The following FBXO40 variants were observed in gnomAD, a reference collection of about 807,000 sequenced individuals.
FBXO40 encodes the protein F-box only protein 40.
Under a neutral mutation model 49.9 loss-of-function variants are expected in FBXO40, and 50 were observed. The observed-to-expected ratio is 1.00, with a 90% CI of 0.80 to 1.27. FBXO40 has a LOEUF of 1.27. FBXO40 is among the 50% of genes most tolerant of loss of function. The pLI, the probability that FBXO40 is intolerant of heterozygous loss-of-function variation, is 0.00. For synonymous variants in FBXO40, 340 were observed against 320.2 expected (o/e 1.06, Z -0.66); for missense variants, 895 against 870.1 (o/e 1.03, Z -0.36).
At chr3:121,596,173 T>A (rs2108843019) in intron 1 of FBXO40, among the ~76,000 whole-genome samples, 1 of 152,334 alleles carries the variant, frequency 6.6e-6, no homozygotes, top group South Asian at 2.1e-4. Flanking sequence ...CACCTCCTCC[T>A]CCTTCTTCCA....
Position 121,621,627 on chromosome 3 carries a change from C to G in FBXO40, c.198C>G (p.Leu66=). ...GCCCTTTAGAGCAGGTTCCGTGCCT[C>G]AACTCCGAATATGGCTGCCCTCTGT... ...LLCPLEQVPC[L]NSEYGCPLSM... The change falls in exon 3 of 4, where the codon CTC becomes CTG. Residue 66 remains leucine (L), a synonymous_variant. Coordinates refer to ENST00000338040, the MANE Select transcript of FBXO40 (RefSeq NM_016298.4). 1 of 1,614,228 alleles carries G rather than the reference C, an allele frequency of 6.2e-7. No homozygotes were observed. Among genetic ancestry groups the G allele is most frequent in the Non-Finnish European group, 8.5e-7 (1 of 1,180,022 alleles).
chr3:121,619,162 G>A (rs1229772822), intron 1 of FBXO40, among the ~76,000 whole-genome samples: 5 of 147,104 alleles, frequency 3.4e-5, no homozygotes, highest in South Asian at 4.3e-4. Flanking sequence ...ACCATGCCCC[G>A]CTAATTTTTT....
intron 1 of FBXO40, among the ~76,000 whole-genome samples, chr3:121,616,538 A>G (rs2048998303): frequency 6.6e-6 from 1 of 152,234 alleles, no homozygotes; most frequent in Admixed American, 6.5e-5. Context: ...TTAAATTTAA[A>G]TAGCCACATG....
rs1019351945 is a variant in FBXO40, at chr3:121,623,354, A to G, written c.1914+11A>G. 6.3e-7 allele frequency: 1 copy of G among 1,594,724 alleles called. No individual in the cohort carries two copies. The highest frequency in any genetic ancestry group is 8.6e-7 in the Non-Finnish European group (1 of 1,167,798). On this transcript the variant is annotated intron_variant, in intron 3 of 3. Coordinates refer to ENST00000338040, the MANE Select transcript of FBXO40 (RefSeq NM_016298.4). ...AGAGTCCACAGAGAGGTAAGTAAAC[A>G]CTCATTTATTGATTGACTCATTCAG...
chr3:121,604,298 T>G (rs1194717485), intron 1 of FBXO40, among the ~76,000 whole-genome samples: 1 of 152,190 alleles, frequency 6.6e-6, no homozygotes, highest in African/African-American at 2.4e-5. Context: ...CATAAGTTGA[T>G]ATCCTAAACA....
chr3:121,597,968 G>A (rs1316853594), intron 1 of FBXO40, among the ~76,000 whole-genome samples: 1 of 152,062 alleles, frequency 6.6e-6, no homozygotes, highest in Non-Finnish European at 1.5e-5. Context: ...CTGCTTATAA[G>A]TCCTACTTTT....
intron 1 of FBXO40, among the ~76,000 whole-genome samples, chr3:121,607,214 G>A (rs1264560934): frequency 4.9e-5 from 7 of 141,604 alleles, no homozygotes; most frequent in East Asian, 2.2e-4. Context: ...GCAGTGAGCC[G>A]AGATTATGCC....
intron 1 of FBXO40, among the ~76,000 whole-genome samples, chr3:121,597,659 C>CTT (rs11388990): frequency 2.5e-3 from 309 of 124,418 alleles, no homozygotes; most frequent in African/African-American, 3.7e-3. Context: ...TATAGGCCCC[C>CTT]TTTTTTTTTT....
At chr3:121,619,361 A>G (rs1221056907) in intron 1 of FBXO40, among the ~76,000 whole-genome samples, 2 of 152,084 alleles carry the variant, frequency 1.3e-5, no homozygotes, top group African/African-American at 4.8e-5. Context: ...TCCCCACTCC[A>G]TCACAGACTA....
In FBXO40 at chr3:121,598,193, T is replaced by C. The variant is rs1324863232; in HGVS notation, c.-31+4691T>C. ...GTAGAAAGAGCAGGTACACAGGCCCTGTGCTGGAATAAGTGACAAGACCAG... is the reference window on the plus strand; with the variant it reads ...GTAGAAAGAGCAGGTACACAGGCCCCGTGCTGGAATAAGTGACAAGACCAG... On this transcript the variant is annotated intron_variant, in intron 1 of 3. Transcript: ENST00000338040. Among the ~76,000 whole-genome samples the C allele has an allele frequency of 4.6e-5, 7 of 152,264 alleles. No homozygotes were observed. In the East Asian group the frequency reaches 9.7e-4, roughly 21 times the overall value.
At chr3:121,625,138 T>C (rs571433678) in intron 3 of FBXO40, among the ~76,000 whole-genome samples, 3 of 152,350 alleles carry the variant, frequency 2.0e-5, no homozygotes, top group Admixed American at 6.5e-5. Flanking sequence ...AAATACCTTG[T>C]TCCTTTTCCC....
chr3:121,597,625 T>C (rs1007090322), intron 1 of FBXO40, among the ~76,000 whole-genome samples: 7 of 150,520 alleles, frequency 4.7e-5, no homozygotes, highest in Non-Finnish European at 8.8e-5. Context: ...TCTCATTGGA[T>C]CCTTGTGCAA....
At chr3:121,626,591 A>G in intron 3 of FBXO40, 104 bp from the exon 4 acceptor site, 1 of 1,024,020 alleles carries the variant, frequency 9.8e-7, no homozygotes, top group Non-Finnish European at 1.5e-6. Context: ...TCTGGAGTCT[A>G]AGAATATGAA....
At chr3:121,597,938 C>G (rs994788646) in intron 1 of FBXO40, among the ~76,000 whole-genome samples, 2 of 152,166 alleles carry the variant, frequency 1.3e-5, no homozygotes, top group Non-Finnish European at 2.9e-5. Flanking sequence ...GCTGGGATTA[C>G]AGGTGTCAGC....
chr3:121,607,147 C>A (rs2048935772), intron 1 of FBXO40, among the ~76,000 whole-genome samples: 1 of 151,442 alleles, frequency 6.6e-6, no homozygotes. Context: ...TGCCTGTAGT[C>A]CCAGCTACTT....
chr3:121,599,772 G>A (rs1322077423), intron 1 of FBXO40, among the ~76,000 whole-genome samples: 2 of 145,680 alleles, frequency 1.4e-5, no homozygotes, highest in Non-Finnish European at 1.5e-5. Context: ...GCCCAGGCTG[G>A]AGTGCAGTGG....
intron 2 of FBXO40, 39 bp downstream of exon 2, chr3:121,620,617 G>A (rs1185003995): frequency 3.7e-6 from 6 of 1,613,466 alleles, no homozygotes; most frequent in African/African-American, 1.3e-5. Flanking sequence ...ACCATTGAGA[G>A]GTCCAGGTCT....
At chr3:121,615,113 G>A (rs2108848850) in intron 1 of FBXO40, among the ~76,000 whole-genome samples, 1 of 147,236 alleles carries the variant, frequency 6.8e-6, no homozygotes, top group South Asian at 2.1e-4. Context: ...GCTGAGACAG[G>A]AGAATCGCTT....
intron 1 of FBXO40, among the ~76,000 whole-genome samples, chr3:121,607,037 G>C (rs1002167176): frequency 3.9e-5 from 6 of 152,106 alleles, no homozygotes; most frequent in Admixed American, 3.3e-4. Flanking sequence ...GGCCTAGGCA[G>C]GTGGATCACC....
Sources: gnomAD v4.1 joint callset for allele counts (sites outside exome capture counted in the v4.1 genomes callset) on GRCh38, gnomAD v4.1.1 for gene constraint, MANE v1.5 for transcripts, NCBI Gene and HGNC (gene_info 2026-07-23, HGNC 2026-07-21) for gene names.